The following TTC7B variants were observed in gnomAD, a reference collection of about 807,000 sequenced individuals.
TTC7B encodes tetratricopeptide repeat protein 7B.
Under a neutral mutation model 106.8 loss-of-function variants are expected in TTC7B, and 28 were observed. The ratio of observed to expected loss-of-function variants is 0.26; its 90% CI spans 0.19 to 0.36. The LOEUF (loss-of-function observed/expected upper bound fraction) is 0.36, where lower values mean the gene tolerates loss of function less well. TTC7B is among the 10% of genes least tolerant of loss of function. The pLI, the probability that TTC7B is intolerant of heterozygous loss-of-function variation, is 1.00. For synonymous variants in TTC7B, 405 were observed against 430.6 expected, an observed-to-expected ratio of 0.94 and a Z score of 0.74; for missense variants, 862 against 1,076.4, an observed-to-expected ratio of 0.80 and a Z score of 2.79.
intron 17 of TTC7B, among the ~76,000 whole-genome samples, chr14:90,597,080 A>G (rs1892236483): frequency 6.6e-6 from 1 of 152,248 alleles, no homozygotes; most frequent in Non-Finnish European, 1.5e-5. Flanking sequence ...ATTAAAATAT[A>G]GAGAAGGATA....
Position 90,531,041 on chromosome 14 carries a change from A to T in TTC7B, c.*10327T>A, listed in dbSNP as rs1328624355. ...GTTAATAGATACAGGATATAAAATG[A>T]TATAATTTTAATATTAATAGCTGAA... is the stretch of plus-strand genomic sequence containing the variant. On this transcript the variant is annotated 3_prime_UTR_variant, in exon 20 of 20. Coordinates refer to ENST00000328459, the MANE Select transcript of TTC7B (RefSeq NM_001010854.2). 1 of 152,226 alleles carries T rather than the reference A, an allele frequency of 6.6e-6. No homozygotes were observed. The highest frequency in any genetic ancestry group is 1.5e-5 in the Non-Finnish European group (1 of 68,046). 9.4% of individuals were successfully genotyped at this position (152,226 alleles called of 1,614,324 possible). A position where few individuals can be genotyped will look rare whatever the true frequency, so the allele number is the denominator to read the frequency against.
intron 12 of TTC7B, 140 bp downstream of exon 12, chr14:90,654,853 G>C: frequency 4.6e-6 from 3 of 658,794 alleles, no homozygotes; most frequent in Non-Finnish European, 7.9e-6. Flanking sequence ...GCAGCACCAG[G>C]GGCCCCACCG....
Position 90,529,813 on chromosome 14 carries a change from T to C in TTC7B, c.*11555A>G, listed in dbSNP as rs1325832438. On this transcript the variant is annotated 3_prime_UTR_variant, in exon 20 of 20. Transcript: ENST00000328459. ...GCATGACAATGTGAAACCACTTAAA[T>C]CATTGACAATAAAGAAAGGGTTAAA... 6.6e-6 allele frequency: 1 copy of C among 152,170 alleles called. No individual in the cohort carries two copies. Among genetic ancestry groups the C allele is most frequent in the Non-Finnish European group, 1.5e-5 (1 of 68,036 alleles). The allele number at this position is 152,170 out of a possible 1,614,324, so 9.4% of individuals were successfully genotyped here. A position where few individuals can be genotyped will look rare whatever the true frequency, so the allele number is the denominator to read the frequency against.
rs746825807 is a variant in TTC7B, at chr14:90,676,546, C to A, written c.1129G>T (p.Gly377Cys). The change falls in exon 9 of 20, where the codon GGC (glycine) becomes TGC (cysteine). Residue 377 changes from glycine (G) to cysteine (C), a missense_variant. Gly to Cys is a radical substitution (Grantham distance 159). Transcript: ENST00000328459. ...DLLTIALGRR[G>C]QYEMLSECLE... ...ACCTCTGACAGCATCTCATACTGGC[C>A]TCTTCTTCCAAGAGCAATGGTGAGT... 1 of 1,614,114 alleles carries A rather than the reference C, an allele frequency of 6.2e-7. No homozygotes were observed. Among genetic ancestry groups the A allele is most frequent in the East Asian group, 2.2e-5 (1 of 44,882 alleles).
intron 19 of TTC7B, among the ~76,000 whole-genome samples, chr14:90,566,772 C>T (rs1170267880): frequency 6.6e-6 from 1 of 152,158 alleles, no homozygotes; most frequent in African/African-American, 2.4e-5. Context: ...GGCAGAGGCT[C>T]CCCTTTAGCT....
At chr14:90,729,990 A>G (rs1889263904) in intron 5 of TTC7B, 85 bp downstream of exon 5, 1 of 1,358,518 alleles carries the variant, frequency 7.4e-7, no homozygotes, top group Admixed American at 2.6e-5. Context: ...TTCCTTTATT[A>G]TAATAACTAA....
At chr14:90,719,827 G>A (rs575032606) in intron 5 of TTC7B, among the ~76,000 whole-genome samples, 1 of 152,272 alleles carries the variant, frequency 6.6e-6, no homozygotes, top group South Asian at 2.1e-4. Context: ...TGTATTTGAT[G>A]CCAGTTAAAT....
At chr14:90,731,629 T>C (rs1234360318) in intron 4 of TTC7B, among the ~76,000 whole-genome samples, 1 of 152,140 alleles carries the variant, frequency 6.6e-6, no homozygotes, top group Non-Finnish European at 1.5e-5. Context: ...CACCCCTGAC[T>C]CTCCGGGAGT....
At chr14:90,771,645 C>T (rs1174871970) in intron 3 of TTC7B, among the ~76,000 whole-genome samples, 1 of 151,962 alleles carries the variant, frequency 6.6e-6, no homozygotes, top group Non-Finnish European at 1.5e-5. Context: ...GCAGCCTTTA[C>T]AAACTAAGTT....
rs1276413268 is a variant in TTC7B, at chr14:90,757,660, G to A, written c.446-12738C>T. Among the ~76,000 whole-genome samples, 4 of 152,100 alleles carry A rather than the reference G, an allele frequency of 2.6e-5. No homozygotes were observed. The highest frequency in any genetic ancestry group is 6.5e-5 in the Admixed American group (1 of 15,270). On this transcript the variant is annotated intron_variant, in intron 3 of 19. Transcript: ENST00000328459. This position sits in a 1 kb window ranked among gnomAD's most constrained non-coding sequence, Gnocchi z 4.1. Reference sequence around the variant, plus strand: ...CAACAGACTGGAGACTTTTTCTGCCGGGGAAAAGGCAATGTCAGTGGTCAC... The same window carrying A: ...CAACAGACTGGAGACTTTTTCTGCCAGGGAAAAGGCAATGTCAGTGGTCAC...
chr14:90,597,516 G>C (rs550070396), intron 17 of TTC7B, among the ~76,000 whole-genome samples: 1 of 152,188 alleles, frequency 6.6e-6, no homozygotes, highest in Admixed American at 6.5e-5. Context: ...AAAGTAGCGG[G>C]GCATGGTGGT....
intron 8 of TTC7B, 52 bp downstream of exon 8, chr14:90,680,415 CAAAAA>C: frequency 7.3e-7 from 1 of 1,369,082 alleles, no homozygotes; most frequent in South Asian, 1.2e-5. Flanking sequence ...ATGGCTATAT[CAAAAA>C]AGGGTCTACA....
chr14:90,811,707 G>C (rs1042959877), intron 1 of TTC7B, among the ~76,000 whole-genome samples: 1 of 152,158 alleles, frequency 6.6e-6, no homozygotes, highest in Non-Finnish European at 1.5e-5. Context: ...CCGTCACCAC[G>C]AGGTAATTAA....
chr14:90,634,374 A>T lies in TTC7B; in HGVS notation c.1751+9674T>A, dbSNP rs184452328. On this transcript the variant is annotated intron_variant, in intron 15 of 19. Coordinates refer to ENST00000328459, the MANE Select transcript of TTC7B (RefSeq NM_001010854.2). ...AAATGGCAGATGTGAATCCAGCCAT[A>T]GCATTAATTATATTAAATGTGAATG... Among the ~76,000 whole-genome samples the T allele has an allele frequency of 3.9e-5, 6 of 152,356 alleles. 2 individuals are homozygous for T. The South Asian group carries it at 8.3e-4, about 21-fold the overall frequency.
At chr14:90,771,952 T>C (rs1035021740) in intron 3 of TTC7B, among the ~76,000 whole-genome samples, 11 of 141,862 alleles carry the variant, frequency 7.8e-5, no homozygotes, top group Non-Finnish European at 1.7e-4. Context: ...ATAAATTTTA[T>C]ATAAATATAT....
At chr14:90,725,622 G>T (rs1889069315) in intron 5 of TTC7B, among the ~76,000 whole-genome samples, 1 of 152,134 alleles carries the variant, frequency 6.6e-6, no homozygotes, top group African/African-American at 2.4e-5. Flanking sequence ...GTACCTGAGG[G>T]GAGCCCAAGG....
intron 5 of TTC7B, among the ~76,000 whole-genome samples, chr14:90,697,059 G>A (rs939235529): frequency 9.2e-5 from 14 of 152,250 alleles, no homozygotes; most frequent in African/African-American, 3.1e-4. Flanking sequence ...CCAGAATCAC[G>A]GATTAAACTC....
At chr14:90,783,117 G>A (rs1368335459) in intron 2 of TTC7B, among the ~76,000 whole-genome samples, 2 of 152,178 alleles carry the variant, frequency 1.3e-5, no homozygotes, top group Non-Finnish European at 2.9e-5. Context: ...CGGCTGCCTG[G>A]GCAGTGGGAG....
chr14:90,603,964 A>G (rs1892535467), intron 17 of TTC7B, among the ~76,000 whole-genome samples: 1 of 152,174 alleles, frequency 6.6e-6, no homozygotes, highest in South Asian at 2.1e-4. Context: ...AGAATAAACA[A>G]CTGAGCACTG....
Sources: allele counts gnomAD v4.1 joint callset (sites outside exome capture counted in the v4.1 genomes callset), GRCh38; gene constraint gnomAD v4.1.1; non-coding constraint Gnocchi (gnomAD v3.1); transcripts MANE v1.5; gene names NCBI Gene and HGNC (gene_info 2026-07-23, HGNC 2026-07-21).